DOCK7: variants seen among roughly 807,000 people sequenced by gnomAD.
DOCK7 encodes the protein dedicator of cytokinesis 7.
A neutral mutation model predicts 271.0 loss-of-function variants in DOCK7; 138 were observed. The observed-to-expected ratio is 0.51, with a 90% CI of 0.44 to 0.59. The LOEUF is 0.59. DOCK7 is among the 20% of genes least tolerant of loss of function. The pLI, the probability that DOCK7 is intolerant of heterozygous loss-of-function variation, is 0.00. For missense variants in DOCK7, 2,066 were observed against 2,592.4 expected (o/e 0.80, Z 4.41); for synonymous variants, 823 against 876.1 (o/e 0.94, Z 1.07).
intron 12 of DOCK7, among the ~76,000 whole-genome samples, chr1:62,622,879 G>A (rs1227315561): frequency 5.3e-5 from 8 of 152,060 alleles, no homozygotes; most frequent in Non-Finnish European, 1.2e-4. Context: ...ACAGTGAGCC[G>A]AGACTGTGCC....
At chr1:62,482,742 C>G (rs1476451499) in intron 43 of DOCK7, 1 of 152,192 alleles carries the variant, frequency 6.6e-6, no homozygotes. Flanking sequence ...TTACAAATTT[C>G]CTCAAGAAAT....
At chr1:62,583,055 A>G (rs757589884) in intron 16 of DOCK7, 129 bp downstream of exon 16, 9 of 670,380 alleles carry the variant, frequency 1.3e-5, no homozygotes, top group Admixed American at 2.6e-5. Flanking sequence ...GTTGAAAATT[A>G]TAACTCTGAT....
At chr1:62,634,944 A>C in intron 8 of DOCK7, 22 bp from the exon 9 acceptor site, 1 of 1,531,902 alleles carries the variant, frequency 6.5e-7, no homozygotes. Flanking sequence ...TAGTATGTTA[A>C]ACTTTAAAAT....
chr1:62,651,861 T>C (rs977426395), intron 4 of DOCK7, among the ~76,000 whole-genome samples: 15 of 152,156 alleles, frequency 9.9e-5, no homozygotes, highest in Admixed American at 7.9e-4. Context: ...TTGGGTTCTA[T>C]CTTAATTTTT....
intron 2 of DOCK7, among the ~76,000 whole-genome samples, chr1:62,655,859 T>C (rs1488609731): frequency 6.6e-6 from 1 of 152,234 alleles, no homozygotes; most frequent in African/African-American, 2.4e-5. Flanking sequence ...GTAAGTTAGA[T>C]ATAATTACTA....
intron 43 of DOCK7, chr1:62,485,565 G>A: frequency 1.0e-6 from 1 of 985,296 alleles, no homozygotes; most frequent in Non-Finnish European, 1.2e-6. Context: ...CAGAATACTA[G>A]AAAATTAGCT....
intron 1 of DOCK7, among the ~76,000 whole-genome samples, chr1:62,679,176 G>T (rs992535646): frequency 3.3e-5 from 5 of 152,048 alleles, no homozygotes; most frequent in Non-Finnish European, 7.4e-5. Context: ...TAAAAAGGGG[G>T]TAACTACAAA....
intron 1 of DOCK7, among the ~76,000 whole-genome samples, chr1:62,686,169 T>C (rs1271796526): frequency 1.1e-3 from 1 of 890 alleles, no homozygotes; most frequent in African/African-American, 1.1e-3. Context: ...TTTTTTTTTT[T>C]TTTTTTTTTT....
chr1:62,651,449 T>TAAAAAAAAA (rs71045850), intron 4 of DOCK7, among the ~76,000 whole-genome samples: 2 of 130,148 alleles, frequency 1.5e-5, no homozygotes. Flanking sequence ...TAAAGTATAA[T>TAAAAAAAAA]AAAAAAAAAA....
At chr1:62,526,630 G>A (rs1282833321) in intron 31 of DOCK7, among the ~76,000 whole-genome samples, 7 of 152,054 alleles carry the variant, frequency 4.6e-5, no homozygotes, top group Admixed American at 1.3e-4. Context: ...ATAAATGTTC[G>A]TGGCAGCATT....
intron 17 of DOCK7, among the ~76,000 whole-genome samples, chr1:62,578,166 T>C (rs1646994714): frequency 6.6e-6 from 1 of 152,156 alleles, no homozygotes; most frequent in Non-Finnish European, 1.5e-5. Context: ...AGGGTTTTAA[T>C]TTATTCTCCA....
At chr1:62,468,412 C>G (rs543434267) in intron 48 of DOCK7, among the ~76,000 whole-genome samples, 1 of 149,508 alleles carries the variant, frequency 6.7e-6, no homozygotes, top group African/African-American at 2.5e-5. Context: ...AGGGACATAC[C>G]TCAATGTAAT....
chr1:62,555,775 T>A, intron 21 of DOCK7, 50 bp downstream of exon 21: 1 of 1,569,160 alleles, frequency 6.4e-7, no homozygotes, highest in Non-Finnish European at 8.6e-7. Flanking sequence ...AATACTGACA[T>A]GAACATATAA....
chr1:62,604,389 T>C, intron 14 of DOCK7: 1 of 982,102 alleles, frequency 1.0e-6, no homozygotes, highest in Non-Finnish European at 1.5e-6. Flanking sequence ...ATGAAAGTGT[T>C]CATTCTAGTT....
intron 7 of DOCK7, among the ~76,000 whole-genome samples, chr1:62,639,426 C>CTTTTTTTT (rs386367151): frequency 2.6e-5 from 2 of 75,864 alleles, no homozygotes; most frequent in East Asian, 3.6e-4. Context: ...TTGTAATACT[C>CTTTTTTTT]TTTTTTTTTT....
At chr1:62,589,932 T>TCTA (rs1178316389) in intron 14 of DOCK7, among the ~76,000 whole-genome samples, 1 of 151,078 alleles carries the variant, frequency 6.6e-6, no homozygotes, top group Admixed American at 6.6e-5. Context: ...TCTGTGTTGT[T>TCTA]CTAAGAATGG....
chr1:62,600,890 T>C (rs1650016067), intron 14 of DOCK7: 1 of 504,366 alleles, frequency 2.0e-6, no homozygotes, highest in South Asian at 2.9e-5. Flanking sequence ...TCTTATTAAA[T>C]AATGTCCCTG....
In DOCK7 at chr1:62,577,305, G is replaced by A; in HGVS notation, c.2069C>T (p.Ser690Leu). The A allele has an allele frequency of 6.3e-7, 1 of 1,591,714 alleles. No individual in the cohort carries two copies. Among genetic ancestry groups the A allele is most frequent in the South Asian group, 1.2e-5 (1 of 85,752 alleles). The part of the protein sequence containing the change: ...LKTGQFCLPV[S>L]LEKPPQAYSV... ...ATAAGCCTGTGGTGGTTTTTCCAAT[G>A]AGACTGGCAAGCAAAACTGGCCAGT... Residue 690 changes from serine to leucine, a missense_variant, in exon 18 of 50, where the codon TCA becomes TTA. By Grantham distance (145) the Ser-to-Leu change is moderately radical (BLOSUM62 -2). This residue lies in a region of DOCK7 where 1,414 missense variants were observed against 1,670.4 expected (regional missense o/e 0.85). Transcript: ENST00000635253.
At chr1:62,538,436 GTC>G (rs1645420782) in intron 27 of DOCK7, among the ~76,000 whole-genome samples, 2 of 152,008 alleles carry the variant, frequency 1.3e-5, no homozygotes, top group African/African-American at 4.8e-5. Context: ...TTTATAATTT[GTC>G]TGTTTTCTCA....
Sources: gnomAD v4.1 joint callset for allele counts (sites outside exome capture counted in the v4.1 genomes callset) on GRCh38, gnomAD v4.1.1 for gene constraint, gnomAD v4.1.1 regional missense constraint, MANE v1.5 for transcripts, NCBI Gene and HGNC (gene_info 2026-07-23, HGNC 2026-07-21) for gene names.